Variants in SLC10A6 observed in about 807,000 individuals in gnomAD.
The protein encoded by SLC10A6 is sodium-dependent organic anion transporter.
In SLC10A6, 27 loss-of-function variants were observed where a neutral mutation model predicts 30.0. The observed-to-expected ratio is 0.90, with a 90% CI of 0.66 to 1.24. The LOEUF is 1.24. Ranked by LOEUF, SLC10A6 falls within the 50% of genes most tolerant of loss-of-function variation. SLC10A6 has a pLI of 0.00. For missense variants in SLC10A6, 439 were observed against 457.0 expected (o/e 0.96, Z 0.36); for synonymous variants, 166 against 173.8 (o/e 0.95, Z 0.36).
intron 1 of SLC10A6, among the ~76,000 whole-genome samples, chr4:86,844,892 AG>A (rs1746367105): frequency 6.6e-6 from 1 of 152,204 alleles, no homozygotes; most frequent in African/African-American, 2.4e-5. Flanking sequence ...AGAACAAAGG[AG>A]GAACTTCCAA....
chr4:86,834,223 C>T (rs900420216), intron 1 of SLC10A6, among the ~76,000 whole-genome samples: 2 of 152,100 alleles, frequency 1.3e-5, no homozygotes, highest in African/African-American at 4.8e-5. Flanking sequence ...ACACCTCCCT[C>T]CCCTCTCTTA....
intron 1 of SLC10A6, among the ~76,000 whole-genome samples, chr4:86,840,076 ATT>A (rs777856705): frequency 1.1e-4 from 16 of 142,316 alleles, no homozygotes; most frequent in African/African-American, 1.5e-4. Context: ...CACCAGGCTA[ATT>A]TTTTTTTTTT....
At chr4:86,836,196 A>G (rs1300375297) in intron 1 of SLC10A6, among the ~76,000 whole-genome samples, 1 of 152,186 alleles carries the variant, frequency 6.6e-6, no homozygotes, top group Non-Finnish European at 1.5e-5. Context: ...GTTATTATTG[A>G]GGTTAATTGT....
At chr4:86,831,197 A>C (rs10049763) in intron 3 of SLC10A6, among the ~76,000 whole-genome samples, 4,447 of 152,286 alleles carry the variant, frequency 0.029, 252 homozygotes, top group African/African-American at 0.1. Flanking sequence ...CCAGCAGACA[A>C]AGGGCAGGAC....
At chr4:86,838,564 C>G (rs372697454) in intron 1 of SLC10A6, among the ~76,000 whole-genome samples, 26 of 152,248 alleles carry the variant, frequency 1.7e-4, no homozygotes, top group African/African-American at 6.0e-4. Context: ...GAAATGACCC[C>G]TTTATACTTA....
At chr4:86,837,263 GAA>G (rs1746205891) in intron 1 of SLC10A6, among the ~76,000 whole-genome samples, 2 of 120,526 alleles carry the variant, frequency 1.7e-5, no homozygotes, top group African/African-American at 7.2e-5. Flanking sequence ...AAGAAAGAAA[GAA>G]AGAAAGAAAG....
At chr4:86,842,249 C>A (rs564334610) in intron 1 of SLC10A6, among the ~76,000 whole-genome samples, 85 of 152,176 alleles carry the variant, frequency 5.6e-4, no homozygotes, top group Non-Finnish European at 1.0e-3. Context: ...CTAAGAACTT[C>A]TTTAAAGTTC....
intron 1 of SLC10A6, among the ~76,000 whole-genome samples, 170 bp from the exon 2 acceptor site, chr4:86,833,594 A>G (rs527820234): frequency 7.9e-5 from 12 of 152,332 alleles, no homozygotes; most frequent in African/African-American, 2.9e-4. Flanking sequence ...TTTCTGGTCT[A>G]CAAAGAGATT....
At chr4:86,843,930 G>A (rs543204693) in intron 1 of SLC10A6, among the ~76,000 whole-genome samples, 35 of 152,108 alleles carry the variant, frequency 2.3e-4, no homozygotes, top group Non-Finnish European at 4.1e-4. Flanking sequence ...GGTAATCCCA[G>A]CACTTTGGGA....
At chr4:86,831,957 C>T (rs2149411278) in intron 2 of SLC10A6, 77 bp from the exon 3 acceptor site, 3 of 1,159,820 alleles carry the variant, frequency 2.6e-6, no homozygotes, top group Non-Finnish European at 1.3e-6. Flanking sequence ...ACTTCTATTT[C>T]AATTAGGTAA....
intron 2 of SLC10A6, among the ~76,000 whole-genome samples, chr4:86,832,463 C>T (rs949252149): frequency 1.3e-5 from 2 of 151,826 alleles, no homozygotes; most frequent in Non-Finnish European, 2.9e-5. Context: ...AAAAATTAGC[C>T]GGGTGTGGTG....
In SLC10A6 at chr4:86,828,142, G is replaced by A. The variant is rs764001929; in HGVS notation, c.612C>T (p.Leu204=). The change falls in exon 4 of 6, where the codon CTC becomes CTT. Residue 204 remains leucine (L), a synonymous_variant. Transcript: ENST00000273905. ...LKIGAVVGGV[L]LLVVAVAGVV... ...CACCAGCAACTGCGACCACCAGAAG[G>A]AGGACCCCACCAACAACGGCCCCAA... The A allele has an allele frequency of 3.8e-5, 61 of 1,613,028 alleles. No individual in the cohort carries two copies. Among genetic ancestry groups the A allele is most frequent in the Non-Finnish European group, 5.0e-5 (59 of 1,179,636 alleles).
rs562616446 is a variant in SLC10A6 at position 86,831,300 on chromosome 4, T to G, written c.585+492A>C. 3.9e-5 allele frequency among the ~76,000 whole-genome samples: 6 copies of G among 152,348 alleles called. No individual in the cohort carries two copies. In the East Asian group the frequency reaches 5.8e-4, roughly 15 times the overall value. On this transcript the variant is annotated intron_variant, in intron 3 of 5. Coordinates refer to ENST00000273905, the MANE Select transcript of SLC10A6 (RefSeq NM_197965.3). ...CTGGATGATTTCATTTAAACAGTCT[T>G]ATTCATGTAGTCAGCAGCCCTTGCT... is the stretch of plus-strand genomic sequence containing the variant.
At chr4:86,848,423 T>C (rs1359105065) in intron 1 of SLC10A6, among the ~76,000 whole-genome samples, 2 of 152,142 alleles carry the variant, frequency 1.3e-5, no homozygotes, top group Admixed American at 1.3e-4. Context: ...TAGGAGTTGC[T>C]AAAGAGGCCA....
rs1344352050 is a variant in SLC10A6, at chr4:86,826,298, G to A, written c.762-721C>T. ...CAACACTTAAAAACAAATAAACAAG[G>A]CCAGGCACAGTGGCTCACGCCTGTA... On this transcript the variant is annotated intron_variant, in intron 4 of 5. Coordinates refer to ENST00000273905, the MANE Select transcript of SLC10A6 (RefSeq NM_197965.3). Among the ~76,000 whole-genome samples the A allele has an allele frequency of 2.0e-5, 3 of 152,154 alleles. No individual in the cohort carries two copies. The East Asian group carries it at 5.8e-4, about 29-fold the overall frequency.
At chr4:86,845,280 AC>A (rs1364116973) in intron 1 of SLC10A6, among the ~76,000 whole-genome samples, 3 of 152,198 alleles carry the variant, frequency 2.0e-5, no homozygotes, top group Admixed American at 6.5e-5. Flanking sequence ...GACTGTGGGA[AC>A]AACATGGGCA....
chr4:86,848,980 T>G lies in SLC10A6; in HGVS notation c.136A>C (p.Met46Leu), dbSNP rs901691780. Residue 46 changes from methionine to leucine, a missense_variant, in exon 1 of 6, where the codon ATG (methionine) becomes CTG (leucine). Met to Leu is a conservative substitution (Grantham distance 15). Coordinates refer to ENST00000273905, the MANE Select transcript of SLC10A6 (RefSeq NM_197965.3). ...TCCACGGAACATCCCAAAGAGAACATGAGCAGCCCCATCATCACAGTGGAC... is the reference window on the plus strand; with the variant it reads ...TCCACGGAACATCCCAAAGAGAACAGGAGCAGCCCCATCATCACAGTGGAC... ...VVSTVMMGLLMFSLGCSVEIR... is the reference protein window; with the variant it reads ...VVSTVMMGLLLFSLGCSVEIR... 1 of 1,614,074 alleles carries G rather than the reference T, an allele frequency of 6.2e-7. No homozygotes were observed.
chr4:86,834,907 G>A (rs1400646477), intron 1 of SLC10A6, among the ~76,000 whole-genome samples: 1 of 152,066 alleles, frequency 6.6e-6, no homozygotes, highest in East Asian at 1.9e-4. Context: ...GTGAGAAAGG[G>A]GAGGTCCCAG....
intron 1 of SLC10A6, among the ~76,000 whole-genome samples, chr4:86,840,496 G>A (rs112156005): frequency 4.5e-4 from 69 of 151,926 alleles, no homozygotes; most frequent in African/African-American, 1.6e-3. Context: ...ACCCTGATCC[G>A]AGGGCATTCA....
Sources: allele counts gnomAD v4.1 joint callset (sites outside exome capture counted in the v4.1 genomes callset), GRCh38; gene constraint gnomAD v4.1.1; transcripts MANE v1.5; gene names NCBI Gene and HGNC (gene_info 2026-07-23, HGNC 2026-07-21).